The following ATP11A variants were observed in gnomAD, a reference collection of about 807,000 sequenced individuals.
ATP11A encodes the protein phospholipid-transporting ATPase IH.
Under a neutral mutation model 154.4 loss-of-function variants are expected in ATP11A, and 81 were observed. The observed-to-expected ratio is 0.52, with a 90% CI of 0.44 to 0.63. The LOEUF (loss-of-function observed/expected upper bound fraction) is 0.63, where lower values mean the gene tolerates loss of function less well. Ranked by LOEUF, ATP11A falls within the 30% of genes least tolerant of loss-of-function variation. ATP11A has a pLI of 0.00. For synonymous variants in ATP11A, 623 were observed against 585.9 expected, an observed-to-expected ratio of 1.06 and a Z score of -0.91; for missense variants, 1,316 against 1,474.3, an observed-to-expected ratio of 0.89 and a Z score of 1.76.
intron 1 of ATP11A, among the ~76,000 whole-genome samples, chr13:112,748,142 C>T (rs1480737282): frequency 6.6e-6 from 1 of 152,184 alleles, no homozygotes; most frequent in African/African-American, 2.4e-5. Context: ...ATTTGGGTCT[C>T]ATCACAAGGT....
chr13:112,773,930 C>T (rs912263733), intron 1 of ATP11A, among the ~76,000 whole-genome samples: 3 of 151,960 alleles, frequency 2.0e-5, no homozygotes, highest in African/African-American at 4.8e-5. Flanking sequence ...GCCTGTGCCT[C>T]TGCTGCCTTG....
Position 112,856,096 on chromosome 13 carries a change from C to T in ATP11A, c.2418+11C>T. 2 of 1,607,410 alleles carry T rather than the reference C, an allele frequency of 1.2e-6. No homozygotes were observed. Among genetic ancestry groups the T allele is most frequent in the Non-Finnish European group, 1.7e-6 (2 of 1,176,936 alleles). ...TTGCAGAAGGCTCAGGTGCTGCCCG[C>T]CCGTCCTCGATAGCTGGTGGTCAGG... On this transcript the variant is annotated intron_variant, in intron 20 of 29. Transcript: ENST00000375645.
intron 1 of ATP11A, among the ~76,000 whole-genome samples, chr13:112,776,797 A>G (rs1389716722): frequency 1.3e-5 from 2 of 152,090 alleles, no homozygotes; most frequent in Non-Finnish European, 2.9e-5. Context: ...AGGTTTCGCC[A>G]TATTGGCCAG....
chr13:112,716,063 A>G (rs564057062), intron 1 of ATP11A, among the ~76,000 whole-genome samples: 1 of 150,832 alleles, frequency 6.6e-6, no homozygotes, highest in African/African-American at 2.4e-5. Flanking sequence ...GACTTTGAGA[A>G]TTGGAGAGGC....
intron 25 of ATP11A, among the ~76,000 whole-genome samples, chr13:112,868,854 A>T (rs766232761): frequency 6.6e-6 from 1 of 152,134 alleles, no homozygotes; most frequent in South Asian, 2.1e-4. Context: ...GGCCTCAGGA[A>T]ACTTACAATC....
intron 17 of ATP11A, among the ~76,000 whole-genome samples, chr13:112,845,459 G>A (rs528484801): frequency 2.6e-5 from 3 of 116,594 alleles, no homozygotes; most frequent in Middle Eastern, 4.4e-3. Context: ...CAGCACTAGC[G>A]GTACTATTCA....
intron 1 of ATP11A, among the ~76,000 whole-genome samples, chr13:112,713,857 G>A (rs1888056831): frequency 1.3e-5 from 2 of 150,116 alleles, no homozygotes; most frequent in Non-Finnish European, 3.0e-5. Context: ...GGGAGTAGCA[G>A]TTCAGAGGGT....
chr13:112,849,282 T>C (rs2079694893), intron 17 of ATP11A, among the ~76,000 whole-genome samples: 1 of 152,226 alleles, frequency 6.6e-6, no homozygotes, highest in Non-Finnish European at 1.5e-5. Context: ...CTAAGGGATA[T>C]TGTTCTACAG....
chr13:112,753,820 GCAGT>G lies in ATP11A; in HGVS notation c.40-31312_40-31309del, dbSNP rs2076753932. ...CAAGAGACACATAAATTATTTAACT[GCAGT>G]CAAACAGGCTTATGTTAGAAGCGCT... On this transcript the variant is annotated intron_variant, in intron 1 of 29. Coordinates refer to ENST00000375645, the MANE Select transcript of ATP11A (RefSeq NM_015205.3). The surrounding 1 kb of genome is among the most constrained non-coding windows in gnomAD (Gnocchi z 4.1). 6.6e-6 allele frequency among the ~76,000 whole-genome samples: 1 copy of G among 152,196 alleles called. No individual in the cohort carries two copies. Among genetic ancestry groups the G allele is most frequent in the Admixed American group, 6.5e-5 (1 of 15,282 alleles).
At chr13:112,708,413 A>G (rs558144510) in intron 1 of ATP11A, among the ~76,000 whole-genome samples, 55 of 152,322 alleles carry the variant, frequency 3.6e-4, no homozygotes, top group Admixed American at 3.3e-3. Context: ...TTAGTAAGAA[A>G]CTTAATTGTA....
chr13:112,886,878 T>A lies in ATP11A; in HGVS notation c.*5012T>A, dbSNP rs1262767328. The A allele has an allele frequency of 6.6e-6, 1 of 152,392 alleles. No homozygotes were observed. Among genetic ancestry groups the A allele is most frequent in the Non-Finnish European group, 1.5e-5 (1 of 68,044 alleles). 9.4% of individuals were successfully genotyped at this position (152,392 alleles called of 1,614,324 possible). On this transcript the variant is annotated 3_prime_UTR_variant, in exon 30 of 30. Coordinates refer to ENST00000375645, the MANE Select transcript of ATP11A (RefSeq NM_015205.3). The stretch of plus-strand genomic sequence containing the variant: ...CATCATAAATACTGGAGTTTATTTT[T>A]AAATTATTAAACATAGTAGGTGCAT...
chr13:112,783,582 C>T (rs2077551054), intron 1 of ATP11A, among the ~76,000 whole-genome samples: 1 of 152,228 alleles, frequency 6.6e-6, no homozygotes, highest in Non-Finnish European at 1.5e-5. Flanking sequence ...ACTGCACCAG[C>T]ATTCCCCTCA....
At chr13:112,789,293 A>C (rs1245850526) in intron 2 of ATP11A, among the ~76,000 whole-genome samples, 1 of 150,560 alleles carries the variant, frequency 6.6e-6, no homozygotes, top group African/African-American at 2.5e-5. Flanking sequence ...CTTAATCCAC[A>C]CCAGGTGTCC....
At chr13:112,788,950 A>T (rs557233114) in intron 2 of ATP11A, among the ~76,000 whole-genome samples, 1 of 152,092 alleles carries the variant, frequency 6.6e-6, no homozygotes, top group African/African-American at 2.4e-5. Flanking sequence ...GACCTACTTA[A>T]TTCACACCTG....
intron 1 of ATP11A, among the ~76,000 whole-genome samples, chr13:112,713,641 A>T (rs1418672305): frequency 1.7e-4 from 26 of 151,824 alleles, no homozygotes; most frequent in Admixed American, 1.6e-3. Context: ...AGCTTCTGAG[A>T]CTCCATTTGT....
intron 17 of ATP11A, among the ~76,000 whole-genome samples, chr13:112,847,038 A>G (rs533564060): frequency 6.6e-6 from 1 of 152,212 alleles, no homozygotes; most frequent in African/African-American, 2.4e-5. Flanking sequence ...ACTCCATCCT[A>G]GGAACTCTGG....
In ATP11A at chr13:112,864,868, G is replaced by A. The variant is rs1261608802; in HGVS notation, c.2991+2293G>A. Among the ~76,000 whole-genome samples, 10 of 72,502 alleles carry A rather than the reference G, an allele frequency of 1.4e-4. 1 individual carries two copies. Among genetic ancestry groups the A allele is most frequent in the South Asian group, 5.1e-4 (1 of 1,954 alleles). 47.6% of individuals were successfully genotyped at this position (72,502 alleles called of 152,430 possible). A position where few individuals can be genotyped will look rare whatever the true frequency, so the allele number is the denominator to read the frequency against. On this transcript the variant is annotated intron_variant, in intron 25 of 29. Transcript: ENST00000375645. ...CCCAGCGGGATCCATCACCACCTGCGCAGTAATTCAGTGCAGGCCTGCGCA... is the reference window on the plus strand; with the variant it reads ...CCCAGCGGGATCCATCACCACCTGCACAGTAATTCAGTGCAGGCCTGCGCA...
At position 112,760,105 on chromosome 13, in the gene ATP11A, G is replaced by A. The variant is rs2076930474; in HGVS notation, c.40-25030G>A. Among the ~76,000 whole-genome samples the A allele has an allele frequency of 5.3e-5, 8 of 152,320 alleles. 1 individual carries two copies. Among genetic ancestry groups the A allele is most frequent in the Admixed American group, 3.9e-4 (6 of 15,302 alleles). On this transcript the variant is annotated intron_variant, in intron 1 of 29. Coordinates refer to ENST00000375645, the MANE Select transcript of ATP11A (RefSeq NM_015205.3). Reference sequence around the variant, plus strand: ...TGTTGAAGAGCAGTGTGTCATCCCCGAGCCGGATTCCATTTAACATCTTAT... The same window carrying A: ...TGTTGAAGAGCAGTGTGTCATCCCCAAGCCGGATTCCATTTAACATCTTAT...
chr13:112,858,996 C>T (rs879615250), intron 22 of ATP11A: 12 of 274,634 alleles, frequency 4.4e-5, no homozygotes, highest in Non-Finnish European at 7.8e-5. Flanking sequence ...CCTGCCGTGC[C>T]GCGGGAGGAG....
Sources: gnomAD v4.1 joint callset for allele counts (sites outside exome capture counted in the v4.1 genomes callset) on GRCh38, gnomAD v4.1.1 for gene constraint, Gnocchi (gnomAD v3.1) non-coding constraint, MANE v1.5 for transcripts, NCBI Gene and HGNC (gene_info 2026-07-23, HGNC 2026-07-21) for gene names.